The following SNAP25 variants were observed in gnomAD, a reference collection of about 807,000 sequenced individuals.
SNAP25 encodes synaptosomal-associated protein 25.
SNAP25 carries 3 observed loss-of-function variants against 28.7 expected under a neutral mutation model. The observed-to-expected ratio is 0.10, with a 90% CI of 0.05 to 0.27. The LOEUF is 0.27. Among genes scored for constraint, SNAP25 ranks in the 10% least tolerant of loss-of-function variants. The probability of loss-of-function intolerance (pLI) is 1.00; values close to 1 mark genes in which losing one functional copy is unlikely to be tolerated. For synonymous variants in SNAP25, 61 were observed against 88.1 expected, an observed-to-expected ratio of 0.69 and a Z score of 1.72; for missense variants, 117 against 278.7, an observed-to-expected ratio of 0.42 and a Z score of 4.13.
At chr20:10,279,891 T>C (rs1202523074) in intron 3 of SNAP25, among the ~76,000 whole-genome samples, 1 of 152,202 alleles carries the variant, frequency 6.6e-6, no homozygotes, top group Non-Finnish European at 1.5e-5. Flanking sequence ...CCTGGGTTAT[T>C]TTCTATTTAT....
Position 10,263,009 on chromosome 20 carries a change from C to CTTT in SNAP25, c.-63-12395_-63-12393dup, listed in dbSNP as rs57690835. On this transcript the variant is annotated intron_variant, in intron 1 of 7. Coordinates refer to ENST00000254976, the MANE Select transcript of SNAP25 (RefSeq NM_130811.4). The stretch of plus-strand genomic sequence containing the variant: ...TCAGGCGAAGCAACCCTGGGGTGCT[C>CTTT]TTTTTTTTTTTTTTTTTTTTTTTTT... 5.7e-3 allele frequency among the ~76,000 whole-genome samples: 288 copies of CTTT among 50,644 alleles called. 48 individuals carry two copies. The highest frequency in any genetic ancestry group is 9.3e-3 in the African/African-American group (119 of 12,794). The allele number at this position is 50,644 out of a possible 152,430, so 33.2% of individuals were successfully genotyped here. A position where few individuals can be genotyped will look rare whatever the true frequency, so the allele number is the denominator to read the frequency against.
chr20:10,279,526 A>G (rs2063745897), intron 3 of SNAP25, among the ~76,000 whole-genome samples: 1 of 152,200 alleles, frequency 6.6e-6, no homozygotes, highest in African/African-American at 2.4e-5. Flanking sequence ...ATCAGAACGC[A>G]CACCTTGAAC....
intron 7 of SNAP25, among the ~76,000 whole-genome samples, chr20:10,300,816 G>A (rs2064218414): frequency 6.6e-6 from 1 of 152,044 alleles, no homozygotes; most frequent in Admixed American, 6.6e-5. Flanking sequence ...TGTTAAGAAG[G>A]CTTTCATATG....
chr20:10,302,782 C>CTT (rs111485537), intron 7 of SNAP25, among the ~76,000 whole-genome samples: 11 of 143,152 alleles, frequency 7.7e-5, no homozygotes, highest in Admixed American at 1.4e-4. Flanking sequence ...AGATTCCAGA[C>CTT]TTTTTTTTTT....
chr20:10,219,223 GAAT>G (rs1388455598), intron 1 of SNAP25: 3 of 152,232 alleles, frequency 2.0e-5, no homozygotes, highest in South Asian at 2.1e-4. Context: ...GGTACGTACC[GAAT>G]AATAACTTAC....
intron 1 of SNAP25, among the ~76,000 whole-genome samples, chr20:10,270,748 A>C (rs990939308): frequency 1.3e-4 from 20 of 152,032 alleles, no homozygotes; most frequent in African/African-American, 4.8e-4. Context: ...CCCATTTCAG[A>C]CCAACTGAAT....
At chr20:10,235,152 G>A (rs2062896036) in intron 1 of SNAP25, among the ~76,000 whole-genome samples, 1 of 152,034 alleles carries the variant, frequency 6.6e-6, no homozygotes, top group African/African-American at 2.4e-5. Context: ...AGAATTGCTT[G>A]AGCCCACGAG....
At chr20:10,227,192 T>A (rs1454416449) in intron 1 of SNAP25, among the ~76,000 whole-genome samples, 1 of 152,134 alleles carries the variant, frequency 6.6e-6, no homozygotes, top group African/African-American at 2.4e-5. Flanking sequence ...TTCTAGAAAT[T>A]CACCTCTTAC....
In SNAP25 at chr20:10,236,353, T is replaced by C. The variant is rs2062920484; in HGVS notation, c.-64+17376T>C. The stretch of plus-strand genomic sequence containing the variant: ...AAGTCAAAGGGGAAATTTTCTCCTT[T>C]GAACATTGAGGATAAGTAAACTTTT... On this transcript the variant is annotated intron_variant, in intron 1 of 7. Transcript: ENST00000254976. Among the ~76,000 whole-genome samples the C allele has an allele frequency of 2.6e-5, 4 of 152,184 alleles. No homozygotes were observed. In the South Asian group the frequency reaches 8.3e-4, roughly 32 times the overall value.
chr20:10,232,444 G>A (rs1421017034), intron 1 of SNAP25, among the ~76,000 whole-genome samples: 1 of 152,166 alleles, frequency 6.6e-6, no homozygotes, highest in East Asian at 1.9e-4. Context: ...CCAAAAGGTT[G>A]GGCTGAATAG....
intron 4 of SNAP25, among the ~76,000 whole-genome samples, chr20:10,292,311 A>G (rs796604988): frequency 3.9e-5 from 6 of 152,304 alleles, no homozygotes; most frequent in African/African-American, 1.4e-4. Flanking sequence ...TACGAATTAC[A>G]TATGCACAAT....
At chr20:10,270,825 G>A (rs2063580914) in intron 1 of SNAP25, among the ~76,000 whole-genome samples, 1 of 152,156 alleles carries the variant, frequency 6.6e-6, no homozygotes, top group African/African-American at 2.4e-5. Flanking sequence ...TGACTCTGGG[G>A]GAAGTTTCAG....
rs1398949992 is a variant in SNAP25, at chr20:10,293,392, G to C, written c.281+114G>C. The C allele has an allele frequency of 2.8e-6, 2 of 725,808 alleles. No individual in the cohort carries two copies. The highest frequency in any genetic ancestry group is 2.3e-5 in the Admixed American group (1 of 43,278). 45.0% of individuals were successfully genotyped at this position (725,808 alleles called of 1,614,324 possible). A position where few individuals can be genotyped will look rare whatever the true frequency, so the allele number is the denominator to read the frequency against. ...GGATGAGCATGTGGCATGCAGAACAGATCAATACCGTCTCCAATGCATTCA... is the reference window on the plus strand; with the variant it reads ...GGATGAGCATGTGGCATGCAGAACACATCAATACCGTCTCCAATGCATTCA... On this transcript the variant is annotated intron_variant, in intron 5 of 7. Coordinates refer to ENST00000254976, the MANE Select transcript of SNAP25 (RefSeq NM_130811.4). The surrounding 1 kb of genome is among the most constrained non-coding windows in gnomAD (Gnocchi z 5.6).
At chr20:10,305,365 G>T (rs2064330474) in intron 7 of SNAP25, among the ~76,000 whole-genome samples, 1 of 152,036 alleles carries the variant, frequency 6.6e-6, no homozygotes, top group Non-Finnish European at 1.5e-5. Context: ...AACATAGTGA[G>T]ATCTCATCTA....
At chr20:10,262,794 C>T (rs1374467715) in intron 1 of SNAP25, among the ~76,000 whole-genome samples, 1 of 152,118 alleles carries the variant, frequency 6.6e-6, no homozygotes, top group Non-Finnish European at 1.5e-5. Flanking sequence ...TGGCATGATC[C>T]TGAGAGAATC....
At chr20:10,284,401 T>C (rs540278470) in intron 3 of SNAP25, among the ~76,000 whole-genome samples, 1 of 152,298 alleles carries the variant, frequency 6.6e-6, no homozygotes, top group Admixed American at 6.5e-5. Flanking sequence ...TGTAGACACG[T>C]TTATTTCCAA....
intron 1 of SNAP25, among the ~76,000 whole-genome samples, chr20:10,231,096 A>G (rs926821564): frequency 7.9e-5 from 12 of 152,050 alleles, no homozygotes; most frequent in African/African-American, 2.9e-4. Context: ...AGTGCAAAGG[A>G]TAAAGGAGTT....
intron 4 of SNAP25, among the ~76,000 whole-genome samples, chr20:10,284,985 A>G (rs1411809730): frequency 6.6e-6 from 1 of 152,242 alleles, no homozygotes; most frequent in Non-Finnish European, 1.5e-5. Flanking sequence ...GAGTGAATCA[A>G]TGATACCACT....
chr20:10,225,402 T>C (rs918872175), intron 1 of SNAP25, among the ~76,000 whole-genome samples: 6 of 152,084 alleles, frequency 3.9e-5, no homozygotes, highest in South Asian at 2.1e-4. Flanking sequence ...CAAATCTGTA[T>C]CCCTAAAAAG....
Sources: allele counts gnomAD v4.1 joint callset (sites outside exome capture counted in the v4.1 genomes callset), GRCh38; gene constraint gnomAD v4.1.1; non-coding constraint Gnocchi (gnomAD v3.1); transcripts MANE v1.5; gene names NCBI Gene and HGNC (gene_info 2026-07-23, HGNC 2026-07-21).